The following ERCC6L2 variants were observed in gnomAD, a reference collection of about 807,000 sequenced individuals.
ERCC6L2 encodes the protein DNA excision repair protein ERCC-6-like 2.
In ERCC6L2, 77 loss-of-function variants were observed where a neutral mutation model predicts 132.0. That is an observed-to-expected ratio of 0.58 (90% CI 0.49 to 0.71). The LOEUF (loss-of-function observed/expected upper bound fraction) is 0.71. Among genes scored for constraint, ERCC6L2 ranks in the 30% least tolerant of loss-of-function variants. The pLI, the probability that ERCC6L2 is intolerant of heterozygous loss-of-function variation, is 0.00. For missense variants in ERCC6L2, 1,542 were observed against 1,837.6 expected (o/e 0.84, Z 2.94); for synonymous variants, 583 against 632.4 (o/e 0.92, Z 1.17).
intron 3 of ERCC6L2, among the ~76,000 whole-genome samples, chr9:95,902,613 A>T (rs1828836629): frequency 6.6e-6 from 1 of 152,144 alleles, no homozygotes; most frequent in African/African-American, 2.4e-5. Flanking sequence ...GTAGAGCTGG[A>T]TTTAGGGGAT....
In ERCC6L2 at chr9:96,024,649, C is replaced by A. The variant is rs112969981; in HGVS notation, c.*1504-14227C>A. On this transcript the variant is annotated intron_variant and NMD_transcript_variant, in intron 19 of 20. Transcript: ENST00000670016. ...TATTCTAGGGGCCCCTCCACTCACT[C>A]TCATGCTTTTAATGAATTCATTTAT... Among the ~76,000 whole-genome samples, 464 of 152,306 alleles carry A rather than the reference C, an allele frequency of 3.0e-3. 3 individuals carry two copies. In the Middle Eastern group the frequency reaches 0.031, roughly 10 times the overall value.
chr9:95,884,691 T>C (rs1827771805), intron 2 of ERCC6L2, among the ~76,000 whole-genome samples: 1 of 152,192 alleles, frequency 6.6e-6, no homozygotes, highest in African/African-American at 2.4e-5. Context: ...AAATGTCCAT[T>C]TGTTCTAGTG....
chr9:95,906,904 A>G (rs1480867926), intron 3 of ERCC6L2, among the ~76,000 whole-genome samples, 174 bp from the exon 4 acceptor site: 1 of 152,190 alleles, frequency 6.6e-6, no homozygotes, highest in Non-Finnish European at 1.5e-5. Flanking sequence ...ACAGCAAATT[A>G]TTTTTTGAGA....
intron 12 of ERCC6L2, among the ~76,000 whole-genome samples, chr9:95,948,804 A>AAAAAG (rs1425390107): frequency 1.5e-4 from 21 of 144,068 alleles, no homozygotes; most frequent in South Asian, 4.5e-4. Context: ...AAAAAAAAAA[A>AAAAAG]AAAAGAAAAG....
At chr9:96,002,160 G>T (rs1309394871) in intron 17 of ERCC6L2, among the ~76,000 whole-genome samples, 2 of 152,218 alleles carry the variant, frequency 1.3e-5, no homozygotes, top group Non-Finnish European at 2.9e-5. Flanking sequence ...CCCAGAAAGG[G>T]GCTCCCACAG....
At chr9:95,955,345 A>G (rs1831547425) in intron 12 of ERCC6L2, among the ~76,000 whole-genome samples, 1 of 152,208 alleles carries the variant, frequency 6.6e-6, no homozygotes, top group Admixed American at 6.5e-5. Context: ...AATAAAGTAT[A>G]ATTGACATGC....
downstream of ERCC6L2, chr9:96,020,652 C>T (rs1834270326): frequency 2.7e-5 from 11 of 402,902 alleles, no homozygotes; most frequent in South Asian, 1.8e-4. Flanking sequence ...AAGGCAGCTG[C>T]AGATGATGGA....
At chr9:95,988,200 T>C (rs1205956170) in intron 17 of ERCC6L2, among the ~76,000 whole-genome samples, 1 of 152,212 alleles carries the variant, frequency 6.6e-6, no homozygotes, top group Non-Finnish European at 1.5e-5. Context: ...ATGTGAATAA[T>C]TATTCTAATT....
chr9:95,949,024 T>A (rs935110416), intron 12 of ERCC6L2, among the ~76,000 whole-genome samples: 1 of 150,516 alleles, frequency 6.6e-6, no homozygotes, highest in South Asian at 2.1e-4. Flanking sequence ...AACAAAGAGA[T>A]AGAAATTAAA....
intron 13 of ERCC6L2, among the ~76,000 whole-genome samples, chr9:95,965,107 G>C (rs1161286890): frequency 6.6e-6 from 1 of 152,140 alleles, no homozygotes; most frequent in Non-Finnish European, 1.5e-5. Flanking sequence ...AATTGATCAA[G>C]TTGGTATGTT....
At chr9:95,975,364 C>T (rs1832621136) in intron 16 of ERCC6L2, among the ~76,000 whole-genome samples, 1 of 86,736 alleles carries the variant, frequency 1.2e-5, no homozygotes, top group African/African-American at 5.4e-5. Flanking sequence ...GCCCTTATAC[C>T]TAAAAGTTTT....
intron 12 of ERCC6L2, among the ~76,000 whole-genome samples, chr9:95,950,583 C>T (rs1382934420): frequency 6.6e-6 from 1 of 152,032 alleles, no homozygotes; most frequent in African/African-American, 2.4e-5. Context: ...CAAATATATG[C>T]TATCCATAAG....
At chr9:95,984,309 AAT>A (rs1371357109) in intron 17 of ERCC6L2, among the ~76,000 whole-genome samples, 2 of 149,588 alleles carry the variant, frequency 1.3e-5, no homozygotes, top group Non-Finnish European at 3.0e-5. Flanking sequence ...TATATGTATA[AAT>A]ATATATTATA....
rs746043820 is a variant in ERCC6L2, at chr9:96,012,482, C to G, written c.3932C>G (p.Ser1311Cys). 1.6e-5 allele frequency: 22 copies of G among 1,367,314 alleles called. No individual in the cohort carries two copies. The East Asian group carries it at 7.7e-4, about 48-fold the overall frequency. 84.7% of individuals were successfully genotyped at this position (1,367,314 alleles called of 1,614,324 possible). ...CTTATAAAACCAAGGCTGTCAGATT[C>G]TGAAACCTTGTCATTTAAAGATTCT... is the stretch of plus-strand genomic sequence containing the variant. ...ESLIKPRLSD[S>C]ETLSFKDSTN... Residue 1311 changes from serine (S) to cysteine (C), a missense_variant, in exon 19 of 19, where the codon TCT (serine) becomes TGT (cysteine). Around this residue, in one of 4 missense-constraint regions of ERCC6L2, gnomAD observed 442 missense variants for 583.4 expected, o/e 0.76. Coordinates refer to ENST00000653738, the MANE Select transcript of ERCC6L2 (RefSeq NM_020207.7).
chr9:95,984,164 GTA>G (rs948816600), intron 17 of ERCC6L2, among the ~76,000 whole-genome samples: 14 of 148,992 alleles, frequency 9.4e-5, no homozygotes, highest in East Asian at 2.0e-4. Context: ...TACATATAAT[GTA>G]TATATGTTAC....
intron 2 of ERCC6L2, among the ~76,000 whole-genome samples, chr9:95,892,975 C>T (rs1388974206): frequency 1.3e-5 from 2 of 152,108 alleles, no homozygotes; most frequent in African/African-American, 4.8e-5. Context: ...CATTCAGAAA[C>T]AGTCTGATTT....
rs377009613 is a variant in ERCC6L2, at chr9:95,973,063, G to A, written c.3312G>A (p.Ser1104=). The A allele has an allele frequency of 5.6e-5, 75 of 1,348,646 alleles. No individual in the cohort carries two copies. The African/African-American group carries it at 6.5e-4, about 12-fold the overall frequency. The allele number at this position is 1,348,646 out of a possible 1,614,324, so 83.5% of individuals were successfully genotyped here. A position where few individuals can be genotyped will look rare whatever the true frequency, so the allele number is the denominator to read the frequency against. The change falls in exon 16 of 19, where the codon TCG becomes TCA. Residue 1104 remains serine (S), a synonymous_variant. Transcript: ENST00000653738. Reference sequence around the variant, plus strand: ...AGAAAGTTGTTAATCAAGAGCAGTCGTATGAATCAATGGATAAATTTTTAG... The same window carrying A: ...AGAAAGTTGTTAATCAAGAGCAGTCATATGAATCAATGGATAAATTTTTAG... The part of the protein sequence containing the change: ...SNEKVVNQEQ[S]YESMDKFLDG...
intron 7 of ERCC6L2, 29 bp from the exon 8 acceptor site, chr9:95,922,276 T>C: frequency 7.9e-7 from 1 of 1,273,750 alleles, no homozygotes; most frequent in Non-Finnish European, 1.1e-6. Flanking sequence ...TGCTGGTCCT[T>C]TTTATTTTCT....
At chr9:96,000,915 G>A (rs369640257) in intron 17 of ERCC6L2, among the ~76,000 whole-genome samples, 27 of 152,142 alleles carry the variant, frequency 1.8e-4, no homozygotes, top group Admixed American at 8.5e-4. Flanking sequence ...GTGGACCCTC[G>A]CGGTGAGTGT....
Sources: allele counts gnomAD v4.1 joint callset (sites outside exome capture counted in the v4.1 genomes callset), GRCh38; gene constraint gnomAD v4.1.1; regional missense constraint gnomAD v4.1.1; transcripts MANE v1.5; gene names NCBI Gene and HGNC (gene_info 2026-07-23, HGNC 2026-07-21).